Variants in AGBL3 observed in about 807,000 individuals in gnomAD.
AGBL3 encodes the protein AGBL carboxypeptidase 3.
A neutral mutation model predicts 94.5 loss-of-function variants in AGBL3; 68 were observed. The observed-to-expected ratio is 0.72, with a 90% confidence interval of 0.59 to 0.88. The LOEUF (loss-of-function observed/expected upper bound fraction) is 0.88, where lower values mean the gene tolerates loss of function less well. AGBL3 is among the 40% of genes least tolerant of loss of function. The pLI, the probability that AGBL3 is intolerant of heterozygous loss-of-function variation, is 0.00. For missense variants in AGBL3, 934 were observed against 1,103.8 expected, an observed-to-expected ratio of 0.85 and a Z score of 2.18; for synonymous variants, 354 against 370.7, an observed-to-expected ratio of 0.95 and a Z score of 0.52.
intron 5 of AGBL3, among the ~76,000 whole-genome samples, chr7:135,026,488 T>C (rs1584878044): frequency 6.6e-6 from 1 of 151,294 alleles, no homozygotes; most frequent in Admixed American, 6.6e-5. Flanking sequence ...TTGGCCAGGG[T>C]GGTCTCGAAC....
At chr7:135,004,496 G>C (rs189083910) in intron 4 of AGBL3, among the ~76,000 whole-genome samples, 26 of 151,514 alleles carry the variant, frequency 1.7e-4, no homozygotes, top group African/African-American at 4.8e-5. Flanking sequence ...TTATAATTTC[G>C]AGAGAAATCT....
chr7:135,018,933 C>T (rs889741323), intron 5 of AGBL3, among the ~76,000 whole-genome samples: 1 of 152,174 alleles, frequency 6.6e-6, no homozygotes, highest in South Asian at 2.1e-4. Context: ...GTAACCAACA[C>T]TCCTATCAAG....
intron 3 of AGBL3, among the ~76,000 whole-genome samples, chr7:134,990,785 G>A (rs1425383531): frequency 6.6e-6 from 1 of 152,152 alleles, no homozygotes; most frequent in African/African-American, 2.4e-5. Context: ...GAGCATAATT[G>A]TAATGACTCC....
intron 15 of AGBL3, among the ~76,000 whole-genome samples, chr7:135,111,449 T>G (rs1052762458): frequency 1.3e-5 from 2 of 152,202 alleles, no homozygotes; most frequent in Non-Finnish European, 2.9e-5. Flanking sequence ...CTTTAAACTA[T>G]TTCCCTTGAT....
intron 16 of AGBL3, among the ~76,000 whole-genome samples, chr7:135,125,222 G>C (rs1328051785): frequency 1.3e-5 from 2 of 152,092 alleles, no homozygotes; most frequent in Non-Finnish European, 2.9e-5. Context: ...TATCACCACT[G>C]ATCCCACAGA....
intron 4 of AGBL3, among the ~76,000 whole-genome samples, chr7:135,002,333 G>A (rs1811818441): frequency 6.6e-6 from 1 of 152,100 alleles, no homozygotes; most frequent in Admixed American, 6.6e-5. Flanking sequence ...GAGTTTTATA[G>A]ACAGCACTTA....
At chr7:135,062,857 G>T (rs1228181843) in intron 12 of AGBL3, among the ~76,000 whole-genome samples, 1 of 152,064 alleles carries the variant, frequency 6.6e-6, no homozygotes, top group Non-Finnish European at 1.5e-5. Context: ...TTTGGTATCA[G>T]ATAAATGCTG....
chr7:135,012,741 GA>G (rs201810239), intron 4 of AGBL3, among the ~76,000 whole-genome samples: 7 of 150,680 alleles, frequency 4.6e-5, no homozygotes, highest in African/African-American at 9.7e-5. Context: ...CATACATGTA[GA>G]AAAAAAAATC....
chr7:135,003,742 G>C (rs1296561096), intron 4 of AGBL3, among the ~76,000 whole-genome samples: 1 of 150,762 alleles, frequency 6.6e-6, no homozygotes, highest in Non-Finnish European at 1.5e-5. Context: ...TGTGAGAATA[G>C]CAATTTCAAA....
At chr7:135,003,898 T>C (rs370961845) in intron 4 of AGBL3, among the ~76,000 whole-genome samples, 2 of 151,594 alleles carry the variant, frequency 1.3e-5, no homozygotes, top group South Asian at 2.1e-4. Flanking sequence ...CCTGTATTAA[T>C]GTAATTATAT....
At chr7:135,030,163 A>C (rs565134564) in intron 5 of AGBL3, among the ~76,000 whole-genome samples, 1 of 150,696 alleles carries the variant, frequency 6.6e-6, no homozygotes, top group East Asian at 1.9e-4. Flanking sequence ...TTTGTTAAAA[A>C]AAAAAAAAAA....
intron 15 of AGBL3, among the ~76,000 whole-genome samples, chr7:135,112,380 T>C (rs1316384408): frequency 2.6e-5 from 4 of 152,192 alleles, no homozygotes; most frequent in Admixed American, 6.5e-5. Flanking sequence ...ATTATTCCCA[T>C]CTCAGAGGAT....
intron 16 of AGBL3, among the ~76,000 whole-genome samples, chr7:135,127,478 G>A (rs1258797630): frequency 2.0e-5 from 3 of 151,958 alleles, no homozygotes; most frequent in Admixed American, 1.3e-4. Context: ...GCTTGAACCC[G>A]GGAGGCGGAG....
intron 4 of AGBL3, among the ~76,000 whole-genome samples, chr7:135,016,051 GAAAAGA>G (rs1563185918): frequency 2.3e-4 from 3 of 13,116 alleles, no homozygotes; most frequent in Non-Finnish European, 6.3e-3. Context: ...AAAAAAAAAA[GAAAAGA>G]AAAAAAAAAT....
chr7:135,047,707 A>G (rs982597192), intron 11 of AGBL3, among the ~76,000 whole-genome samples: 4 of 151,968 alleles, frequency 2.6e-5, no homozygotes, highest in African/African-American at 9.7e-5. Flanking sequence ...CCATTTTATA[A>G]CAAAATCAGG....
At chr7:135,134,777 A>T (rs1156343635) in intron 16 of AGBL3, 64 bp from the exon 17 acceptor site, 1 of 1,370,410 alleles carries the variant, frequency 7.3e-7, no homozygotes, top group Non-Finnish European at 9.9e-7. Flanking sequence ...CTATGACAAC[A>T]TACCTAGGAC....
chr7:135,113,079 C>T (rs888301530), intron 15 of AGBL3, among the ~76,000 whole-genome samples: 1 of 152,182 alleles, frequency 6.6e-6, no homozygotes, highest in African/African-American at 2.4e-5. Context: ...ACCCGGCCTA[C>T]ATTCAGTGAA....
rs186574132 is a variant in AGBL3, at chr7:135,129,407, T to C, written c.2343-5434T>C. ...AAAGACTTTTGGAACAAAGGTATGATAAGAGGGTGATTCAGAAGGCACTGG... is the reference window on the plus strand; with the variant it reads ...AAAGACTTTTGGAACAAAGGTATGACAAGAGGGTGATTCAGAAGGCACTGG... On this transcript the variant is annotated intron_variant, in intron 16 of 16. Transcript: ENST00000436302. 2.4e-3 allele frequency: 1,918 copies of C among 808,284 alleles called. 7 individuals carry two copies. Among genetic ancestry groups the C allele is most frequent in the Non-Finnish European group, 1.9e-3 (862 of 446,722 alleles). The allele number at this position is 808,284 out of a possible 1,614,324, so 50.1% of individuals were successfully genotyped here.
At chr7:134,996,646 G>C (rs548457190) in intron 4 of AGBL3, among the ~76,000 whole-genome samples, 16 of 152,270 alleles carry the variant, frequency 1.1e-4, no homozygotes, top group Admixed American at 5.9e-4. Flanking sequence ...GGATGAATCA[G>C]AATTTCTTTA....
Sources: gnomAD v4.1 joint callset for allele counts (sites outside exome capture counted in the v4.1 genomes callset) on GRCh38, gnomAD v4.1.1 for gene constraint, MANE v1.5 for transcripts, NCBI Gene and HGNC (gene_info 2026-07-23, HGNC 2026-07-21) for gene names.